Variants in PRDM16 observed in about 807,000 individuals in gnomAD.
PRDM16 encodes the protein histone-lysine N-methyltransferase PRDM16.
Under a neutral mutation model 110.6 loss-of-function variants are expected in PRDM16, and 23 were observed. That is an observed-to-expected ratio of 0.21 (90% CI 0.15 to 0.29). The LOEUF is 0.29. Among genes scored for constraint, PRDM16 ranks in the 10% least tolerant of loss-of-function variants. The pLI, the probability that PRDM16 is intolerant of heterozygous loss-of-function variation, is 1.00. For synonymous variants in PRDM16, 799 were observed against 781.8 expected (o/e 1.02, Z -0.37); for missense variants, 1,615 against 1,794.3 (o/e 0.90, Z 1.81).
chr1:3,252,106 G>A (rs549500891), intron 3 of PRDM16, among the ~76,000 whole-genome samples: 2 of 152,320 alleles, frequency 1.3e-5, no homozygotes, highest in Non-Finnish European at 2.9e-5. Flanking sequence ...GGGACTCCTT[G>A]GGACCCTTCC....
At chr1:3,121,725 G>T (rs1643098257) in intron 1 of PRDM16, among the ~76,000 whole-genome samples, 1 of 152,244 alleles carries the variant, frequency 6.6e-6, no homozygotes, top group African/African-American at 2.4e-5. Context: ...ACAGCCTTGG[G>T]GGACAGCGGC....
intron 3 of PRDM16, among the ~76,000 whole-genome samples, chr1:3,296,827 G>A (rs944829899): frequency 2.0e-5 from 3 of 152,198 alleles, no homozygotes; most frequent in South Asian, 2.1e-4. Context: ...GACAAGTCCC[G>A]ATAAACCCAC....
chr1:3,212,299 G>T (rs1171437953), intron 2 of PRDM16, among the ~76,000 whole-genome samples: 1 of 152,176 alleles, frequency 6.6e-6, no homozygotes, highest in Non-Finnish European at 1.5e-5. Flanking sequence ...CCCCGCTGGG[G>T]CTCGGGGCTC....
Position 3,425,895 on chromosome 1 carries a change from A to C in PRDM16, c.3109+145A>C. On this transcript the variant is annotated intron_variant, in intron 13 of 16. Transcript: ENST00000270722. The surrounding 1 kb of genome is among the most constrained non-coding windows in gnomAD (Gnocchi z 6.9). ...CAGGAAGCCAACAGGCACCCCTCAA[A>C]CCGTGGTCATTAAAGAGAACCTCGT... 1 of 1,260,126 alleles carries C rather than the reference A, an allele frequency of 7.9e-7. No homozygotes were observed. The highest frequency in any genetic ancestry group is 1.1e-6 in the Non-Finnish European group (1 of 916,738). The allele number at this position is 1,260,126 out of a possible 1,614,324, so 78.1% of individuals were successfully genotyped here. A position where few individuals can be genotyped will look rare whatever the true frequency, so the allele number is the denominator to read the frequency against.
intron 1 of PRDM16, among the ~76,000 whole-genome samples, chr1:3,105,911 C>G (rs1642640945): frequency 6.7e-6 from 1 of 149,760 alleles, no homozygotes; most frequent in Non-Finnish European, 1.5e-5. Context: ...CAGCCCAAAG[C>G]CCCTCTGCCA....
chr1:3,080,327 G>A lies in PRDM16; in HGVS notation c.37+11031G>A, dbSNP rs779473061. Among the ~76,000 whole-genome samples, 2 of 152,194 alleles carry A rather than the reference G, an allele frequency of 1.3e-5. No individual in the cohort carries two copies. Among genetic ancestry groups the A allele is most frequent in the Non-Finnish European group, 2.9e-5 (2 of 68,042 alleles). On this transcript the variant is annotated intron_variant, in intron 1 of 16. Transcript: ENST00000270722. The surrounding 1 kb of genome is among the most constrained non-coding windows in gnomAD (Gnocchi z 5.2). ...TCCCAGCCCAGGCTGAGCGTACAGC[G>A]AGTGACTGACAGAATACAAATGGTG...
chr1:3,293,457 G>A (rs1244643265), intron 3 of PRDM16, among the ~76,000 whole-genome samples: 1 of 152,250 alleles, frequency 6.6e-6, no homozygotes, highest in African/African-American at 2.4e-5. Flanking sequence ...TGTGAACCGG[G>A]ACAAGGAGGT....
chr1:3,172,779 C>T (rs370227486), intron 1 of PRDM16, among the ~76,000 whole-genome samples: 3 of 152,004 alleles, frequency 2.0e-5, no homozygotes, highest in African/African-American at 4.8e-5. Context: ...TGGTGGCTGC[C>T]GGGGCTGGGG....
At chr1:3,402,633 GC>G (rs1643492167) in intron 5 of PRDM16, among the ~76,000 whole-genome samples, 157 bp from the exon 6 acceptor site, 1 of 152,134 alleles carries the variant, frequency 6.6e-6, no homozygotes, top group Non-Finnish European at 1.5e-5. Context: ...AGGCTGGTGG[GC>G]CCCAAGTTGA....
intron 1 of PRDM16, among the ~76,000 whole-genome samples, chr1:3,179,576 CA>C (rs1407887886): frequency 6.6e-6 from 1 of 152,232 alleles, no homozygotes; most frequent in Non-Finnish European, 1.5e-5. Context: ...TGTGGGGTGG[CA>C]GATCCATCAG....
At chr1:3,222,539 C>G (rs1029942282) in intron 2 of PRDM16, among the ~76,000 whole-genome samples, 2 of 152,222 alleles carry the variant, frequency 1.3e-5, no homozygotes, top group Non-Finnish European at 2.9e-5. Context: ...GGGCCCCTGC[C>G]AACCAATGGT....
At position 3,435,727 on chromosome 1, in the gene PRDM16, C is replaced by T. The variant is rs1029333331; in HGVS notation, c.*1916C>T. On this transcript the variant is annotated 3_prime_UTR_variant, in exon 17 of 17. Coordinates refer to ENST00000270722, the MANE Select transcript of PRDM16 (RefSeq NM_022114.4). ...CTCCTCAGGCTGTCCCCAGCGGTGA[C>T]GGGAGGTGTCCTGGCTGCTCCAGGA... 5 of 232,256 alleles carry T rather than the reference C, an allele frequency of 2.2e-5. No individual in the cohort carries two copies. Among genetic ancestry groups the T allele is most frequent in the East Asian group, 6.1e-5 (1 of 16,466 alleles). The allele number at this position is 232,256 out of a possible 1,614,324, so 14.4% of individuals were successfully genotyped here.
Position 3,437,213 on chromosome 1 carries a change from C to T in PRDM16, c.*3402C>T, listed in dbSNP as rs944242777. On this transcript the variant is annotated 3_prime_UTR_variant, in exon 17 of 17. Coordinates refer to ENST00000270722, the MANE Select transcript of PRDM16 (RefSeq NM_022114.4). Reference sequence around the variant, plus strand: ...GCTGGAGAGGCCTTCCTTTACAAGGCCACGCGTGCAGCTGTCCCATCCAGA... The same window carrying T: ...GCTGGAGAGGCCTTCCTTTACAAGGTCACGCGTGCAGCTGTCCCATCCAGA... The T allele has an allele frequency of 1.3e-5, 3 of 232,426 alleles. No homozygotes were observed. The highest frequency in any genetic ancestry group is 1.7e-5 in the Non-Finnish European group (2 of 117,642). The allele number at this position is 232,426 out of a possible 1,614,324, so 14.4% of individuals were successfully genotyped here.
chr1:3,298,971 G>A (rs1426902037), intron 3 of PRDM16, among the ~76,000 whole-genome samples: 2 of 152,258 alleles, frequency 1.3e-5, no homozygotes, highest in Non-Finnish European at 2.9e-5. Flanking sequence ...CTGTCTGGAT[G>A]TGAAGGGTCT....
At chr1:3,270,534 C>G (rs1640422430) in intron 3 of PRDM16, among the ~76,000 whole-genome samples, 1 of 148,830 alleles carries the variant, frequency 6.7e-6, no homozygotes, top group Non-Finnish European at 1.5e-5. Flanking sequence ...AGGCGGAAGA[C>G]AGTCCTGGAG....
At chr1:3,098,828 A>ATACCCACTGTCCTTAGCTGCC (rs1642467866) in intron 1 of PRDM16, among the ~76,000 whole-genome samples, 1 of 152,080 alleles carries the variant, frequency 6.6e-6, no homozygotes, top group Non-Finnish European at 1.5e-5. Flanking sequence ...TGGGCGCTGC[A>ATACCCACTGTCCTTAGCTGCC]TACCCACTGT....
At chr1:3,373,789 C>G (rs1230526561) in intron 3 of PRDM16, among the ~76,000 whole-genome samples, 2 of 152,212 alleles carry the variant, frequency 1.3e-5, no homozygotes, top group African/African-American at 4.8e-5. Flanking sequence ...AGGAAGGAGC[C>G]CAGCCAACGC....
At chr1:3,220,079 G>A (rs1639118925) in intron 2 of PRDM16, among the ~76,000 whole-genome samples, 2 of 152,190 alleles carry the variant, frequency 1.3e-5, no homozygotes, top group African/African-American at 4.8e-5. Flanking sequence ...GGATCTAAAT[G>A]GGTTTGCCTG....
intron 1 of PRDM16, among the ~76,000 whole-genome samples, chr1:3,139,499 G>A (rs1190843654): frequency 4.6e-5 from 7 of 152,234 alleles, no homozygotes; most frequent in Admixed American, 3.9e-4. Context: ...GGGTCCCTCG[G>A]GGGCTGCAGA....
Sources: gnomAD v4.1 joint callset for allele counts (sites outside exome capture counted in the v4.1 genomes callset) on GRCh38, gnomAD v4.1.1 for gene constraint, Gnocchi (gnomAD v3.1) non-coding constraint, MANE v1.5 for transcripts, NCBI Gene and HGNC (gene_info 2026-07-23, HGNC 2026-07-21) for gene names.